Variants in ATP6V1C1 observed in about 807,000 individuals in gnomAD.
ATP6V1C1 encodes the protein ATPase H+ transporting V1 subunit C1.
In ATP6V1C1, 45 loss-of-function variants were observed where a neutral mutation model predicts 53.9. The observed-to-expected ratio is 0.83, with a 90% CI of 0.66 to 1.07. The LOEUF (loss-of-function observed/expected upper bound fraction) is 1.07. Among genes scored for constraint, ATP6V1C1 ranks in the 50% least tolerant of loss-of-function variants. The probability of loss-of-function intolerance (pLI) is 0.00; values close to 1 mark genes in which losing one functional copy is unlikely to be tolerated. For synonymous variants in ATP6V1C1, 153 were observed against 155.2 expected, an observed-to-expected ratio of 0.99 and a Z score of 0.11; for missense variants, 315 against 440.3, an observed-to-expected ratio of 0.72 and a Z score of 2.55.
Position 103,021,154 on chromosome 8 carries a change from C to CGATAGCGTCCGCTAGGCT in ATP6V1C1, c.-109_-92dup, listed in dbSNP as rs1374961900. On this transcript the variant is annotated 5_prime_UTR_variant, in exon 1 of 13. Coordinates refer to ENST00000518738, the MANE Select transcript of ATP6V1C1 (RefSeq NM_001695.5). The stretch of plus-strand genomic sequence containing the variant: ...GTCGGGAAGGGATGGATCGCTGAGC[C>CGATAGCGTCCGCTAGGCT]GATAGCGTCCGCTAGGCTGTCTGCC... The CGATAGCGTCCGCTAGGCT allele has an allele frequency of 6.5e-6, 1 of 152,904 alleles. No individual in the cohort carries two copies. 9.5% of individuals were successfully genotyped at this position (152,904 alleles called of 1,614,324 possible).
chr8:103,042,321 CAA>C lies in ATP6V1C1; in HGVS notation c.133-18_133-17del. The C allele has an allele frequency of 6.2e-7, 1 of 1,606,258 alleles. No homozygotes were observed. The highest frequency in any genetic ancestry group is 1.1e-5 in the South Asian group (1 of 90,388). On this transcript the variant is annotated splice_polypyrimidine_tract_variant and intron_variant, in intron 2 of 12. Coordinates refer to ENST00000518738, the MANE Select transcript of ATP6V1C1 (RefSeq NM_001695.5). ...TTAAAAAAGCATGCCACCTAAATAA[CAA>C]TATATTTTCCTTTTAGGTTGGCACG...
chr8:103,034,565 G>C (rs1816858073), intron 1 of ATP6V1C1, among the ~76,000 whole-genome samples: 1 of 139,302 alleles, frequency 7.2e-6, no homozygotes. Context: ...AAATTTCAAG[G>C]ATAATTTTTT....
intron 1 of ATP6V1C1, among the ~76,000 whole-genome samples, chr8:103,025,181 T>A (rs1028444552): frequency 3.3e-5 from 5 of 152,316 alleles, no homozygotes; most frequent in Non-Finnish European, 5.9e-5. Context: ...AAGTTGTAAA[T>A]TAAGGCGTGT....
chr8:103,044,953 A>G (rs1447833180), intron 3 of ATP6V1C1, among the ~76,000 whole-genome samples: 1 of 152,154 alleles, frequency 6.6e-6, no homozygotes, highest in East Asian at 1.9e-4. Context: ...TTACTTTTGA[A>G]ATTCAGGTAC....
chr8:103,046,936 G>C (rs1374251150), intron 3 of ATP6V1C1, among the ~76,000 whole-genome samples: 1 of 152,058 alleles, frequency 6.6e-6, no homozygotes, highest in Admixed American at 6.6e-5. Context: ...TTTGACACCA[G>C]GTGATTCTAC....
chr8:103,054,010 A>C, intron 7 of ATP6V1C1, 28 bp downstream of exon 7: 1 of 1,540,836 alleles, frequency 6.5e-7, no homozygotes, highest in Non-Finnish European at 8.9e-7. Flanking sequence ...AAAAGGTTTT[A>C]CTTGTTAAAA....
chr8:103,051,539 T>C (rs996691382), intron 5 of ATP6V1C1, among the ~76,000 whole-genome samples: 2 of 152,124 alleles, frequency 1.3e-5, no homozygotes, highest in Non-Finnish European at 2.9e-5. Flanking sequence ...GTTCAAACAT[T>C]AAACTCTATG....
In ATP6V1C1 at chr8:103,040,836, C is replaced by G. The variant is rs1335754104; in HGVS notation, c.-1C>G. 2 of 1,612,380 alleles carry G rather than the reference C, an allele frequency of 1.2e-6. No individual in the cohort carries two copies. Among genetic ancestry groups the G allele is most frequent in the Non-Finnish European group, 1.7e-6 (2 of 1,179,418 alleles). ...TTTTGAGGAAATACCTAGTAACAAA[C>G]ATGACTGAGTTCTGGCTTATATCTG... On this transcript the variant is annotated 5_prime_UTR_variant, in exon 2 of 13. Transcript: ENST00000518738.
chr8:103,031,253 C>T (rs1381216093), intron 1 of ATP6V1C1, among the ~76,000 whole-genome samples: 4 of 152,126 alleles, frequency 2.6e-5, no homozygotes, highest in Non-Finnish European at 5.9e-5. Flanking sequence ...AGATTAGATA[C>T]TCCAAAGAAA....
At chr8:103,033,709 T>C (rs1472700527) in intron 1 of ATP6V1C1, among the ~76,000 whole-genome samples, 2 of 152,222 alleles carry the variant, frequency 1.3e-5, no homozygotes, top group Non-Finnish European at 2.9e-5. Flanking sequence ...CTACATAATA[T>C]ACCTTGTATA....
chr8:103,072,568 A>C lies in ATP6V1C1; in HGVS notation c.*3821A>C, dbSNP rs1817603476. On this transcript the variant is annotated 3_prime_UTR_variant, in exon 13 of 13. Transcript: ENST00000518738. ...TAGTTTAGTACTTGTCTCTAAATTG[A>C]TGTTCACCCATTTCAATATTGCACT... is the stretch of plus-strand genomic sequence containing the variant. 6.6e-6 allele frequency: 1 copy of C among 152,222 alleles called. No individual in the cohort carries two copies. The allele number at this position is 152,222 out of a possible 1,614,324, so 9.4% of individuals were successfully genotyped here.
chr8:103,055,881 G>T lies in ATP6V1C1; in HGVS notation c.586G>T (p.Asp196Tyr). The change falls in exon 8 of 13, where the codon GAC (aspartate) becomes TAC (tyrosine). Residue 196 changes from aspartate to tyrosine, a missense_variant. By Grantham distance (160) the Asp-to-Tyr change is radical. Coordinates refer to ENST00000518738, the MANE Select transcript of ATP6V1C1 (RefSeq NM_001695.5). The stretch of plus-strand genomic sequence containing the variant: ...CCTTTTCTGCAGGTTAAACCACAAC[G>T]ACTGGATTAAGCAGTATGAAACACT... ...LVVVPKLNHNDWIKQYETLAE... is the reference protein window; with the variant it reads ...LVVVPKLNHNYWIKQYETLAE... The T allele has an allele frequency of 6.2e-7, 1 of 1,611,764 alleles. No individual in the cohort carries two copies. The highest frequency in any genetic ancestry group is 1.1e-5 in the South Asian group (1 of 90,916).
At chr8:103,067,828 G>A (rs976411910) in intron 12 of ATP6V1C1, among the ~76,000 whole-genome samples, 2 of 151,824 alleles carry the variant, frequency 1.3e-5, no homozygotes, top group Admixed American at 1.3e-4. Context: ...CAGGTGATCC[G>A]CCCACCTCGG....
rs976203445 is a variant in ATP6V1C1, at chr8:103,069,576, C to G, written c.*829C>G. On this transcript the variant is annotated 3_prime_UTR_variant, in exon 13 of 13. Transcript: ENST00000518738. Reference sequence around the variant, plus strand: ...TCTAGCAGAACTATGCAGCTTTAGTCATTTGTTTTGTCTAAGTCTGTATTT... The same window carrying G: ...TCTAGCAGAACTATGCAGCTTTAGTGATTTGTTTTGTCTAAGTCTGTATTT... The G allele has an allele frequency of 6.6e-6, 1 of 152,142 alleles. No individual in the cohort carries two copies. Among genetic ancestry groups the G allele is most frequent in the Non-Finnish European group, 1.5e-5 (1 of 68,028 alleles). The allele number at this position is 152,142 out of a possible 1,614,324, so 9.4% of individuals were successfully genotyped here.
intron 11 of ATP6V1C1, among the ~76,000 whole-genome samples, chr8:103,065,371 G>GACCATCC (rs1423176640): frequency 6.6e-6 from 1 of 152,028 alleles, no homozygotes; most frequent in East Asian, 1.9e-4. Context: ...GGCTAACAGG[G>GACCATCC]TGAAATCCTG....
chr8:103,047,406 TAAA>T (rs35561690), intron 3 of ATP6V1C1, among the ~76,000 whole-genome samples: 3 of 109,620 alleles, frequency 2.7e-5, no homozygotes, highest in South Asian at 2.9e-4. Flanking sequence ...GACTCTCTCT[TAAA>T]AAAAAAAAAA....
intron 8 of ATP6V1C1, among the ~76,000 whole-genome samples, chr8:103,060,768 A>G (rs1817382886): frequency 6.6e-6 from 1 of 152,176 alleles, no homozygotes; most frequent in Non-Finnish European, 1.5e-5. Context: ...GTTATAAGAT[A>G]AGATGGAGGT....
intron 8 of ATP6V1C1, among the ~76,000 whole-genome samples, chr8:103,059,890 A>ACACACACC (rs113964320): frequency 1.4e-5 from 2 of 142,166 alleles, no homozygotes; most frequent in African/African-American, 2.5e-5. Context: ...ACACACACAC[A>ACACACACC]CACACACCCA....
chr8:103,040,624 AC>A (rs1816982310), intron 1 of ATP6V1C1, among the ~76,000 whole-genome samples, 173 bp from the exon 2 acceptor site: 1 of 152,052 alleles, frequency 6.6e-6, no homozygotes, highest in Non-Finnish European at 1.5e-5. Flanking sequence ...TCGTTTTTTC[AC>A]CATTTGTGTA....
Sources: gnomAD v4.1 joint callset for allele counts (sites outside exome capture counted in the v4.1 genomes callset) on GRCh38, gnomAD v4.1.1 for gene constraint, MANE v1.5 for transcripts, NCBI Gene and HGNC (gene_info 2026-07-23, HGNC 2026-07-21) for gene names.